The following NCR1 variants were observed in gnomAD, a reference collection of about 807,000 sequenced individuals.
The protein encoded by NCR1 is NK cell-activating receptor.
In NCR1, 30 loss-of-function variants were observed where a neutral mutation model predicts 32.5. That is an observed-to-expected ratio of 0.92 (90% CI 0.69 to 1.25). NCR1 has a LOEUF of 1.25. Among genes scored for constraint, NCR1 ranks in the 50% most tolerant of loss-of-function variants. The pLI is 0.00. For missense variants in NCR1, 369 were observed against 380.7 expected (o/e 0.97, Z 0.26); for synonymous variants, 169 against 143.4 (o/e 1.18, Z -1.28).
At chr19:54,917,749 G>T (rs1254193213), downstream of NCR1, among the ~76,000 whole-genome samples, 1 of 152,240 alleles carries the variant, frequency 6.6e-6, no homozygotes, top group East Asian at 1.9e-4. Flanking sequence ...GCATCTGGTA[G>T]GTAGGGTCCA....
At position 54,912,854 on chromosome 19, in the gene NCR1, A is replaced by T; in HGVS notation, c.898A>T (p.Asn300Tyr). The change falls in exon 7 of 7, where the codon AAC (asparagine) becomes TAC (tyrosine). Residue 300 changes from asparagine to tyrosine, a missense_variant. Asn to Tyr is a moderately radical substitution (Grantham distance 143, BLOSUM62 -2). Transcript: ENST00000291890. ...ASTWEGRRRL[N>Y]TQTL ...CACTTGGGAAGGCAGGAGAAGGCTGAACACACAGACTCTTTGAAGAATGAC... is the reference window on the plus strand; with the variant it reads ...CACTTGGGAAGGCAGGAGAAGGCTGTACACACAGACTCTTTGAAGAATGAC... The T allele has an allele frequency of 1.2e-6, 2 of 1,613,646 alleles. No homozygotes were observed. Among genetic ancestry groups the T allele is most frequent in the Non-Finnish European group, 1.7e-6 (2 of 1,179,918 alleles).
At chr19:54,923,762 G>A in the NCR1 span, 9 of 1,613,546 alleles carry the variant, frequency 5.6e-6, no homozygotes, top group South Asian at 4.4e-5. Flanking sequence ...GTCACAGCAC[G>A]GAGGTGCCGT....
upstream of NCR1, among the ~76,000 whole-genome samples, chr19:54,902,263 A>G (rs1336607147): frequency 6.6e-6 from 1 of 152,072 alleles, no homozygotes; most frequent in Non-Finnish European, 1.5e-5. Context: ...AATGTGGTAA[A>G]ATGCTAACTT....
At chr19:54,909,177 A>AC (rs2067806112) in intron 3 of NCR1, 68 bp from the exon 4 acceptor site, 2 of 1,469,580 alleles carry the variant, frequency 1.4e-6, no homozygotes, top group African/African-American at 2.9e-5. Context: ...CTCTAAAGAA[A>AC]GAAAAAAAAA....
chr19:54,917,533 T>C (rs114272367), downstream of NCR1, among the ~76,000 whole-genome samples: 2,906 of 151,946 alleles, frequency 0.019, 76 homozygotes, highest in African/African-American at 0.066. Context: ...GTTAGCCAGG[T>C]TGGTCTTGAA....
the NCR1 span, among the ~76,000 whole-genome samples, chr19:54,926,903 G>A: frequency 7.8e-6 from 1 of 128,088 alleles, no homozygotes; most frequent in Non-Finnish European, 1.6e-5. Context: ...GGGACAGAGA[G>A]AGACTCTGTC....
chr19:54,932,428 A>G, the NCR1 span, among the ~76,000 whole-genome samples: 1 of 145,036 alleles, frequency 6.9e-6, no homozygotes. Flanking sequence ...ACTTCATCCA[A>G]AAAAAAAAAA....
chr19:54,937,562 C>T, the NCR1 span, among the ~76,000 whole-genome samples: 462 of 150,746 alleles, frequency 3.1e-3, no homozygotes, highest in African/African-American at 0.011. Context: ...TGCACTCCAG[C>T]GCCTAGGTGA....
At chr19:54,904,485 G>A (rs2067428101), upstream of NCR1, among the ~76,000 whole-genome samples, 1 of 150,040 alleles carries the variant, frequency 6.7e-6, no homozygotes. Flanking sequence ...CCAATGTTTA[G>A]CGCTCTCACT....
chr19:54,930,167 C>G, the NCR1 span, among the ~76,000 whole-genome samples: 1 of 149,298 alleles, frequency 6.7e-6, no homozygotes, highest in African/African-American at 2.5e-5. Context: ...TCCAGATTTC[C>G]AAACACTTTA....
At chr19:54,906,003 C>T (rs2067583144), upstream of NCR1, 7 of 706,084 alleles carry the variant, frequency 9.9e-6, no homozygotes, top group Middle Eastern at 1.2e-3. Flanking sequence ...AGAGGGACCA[C>T]GGCCTTTCTG....
downstream of NCR1, chr19:54,913,212 C>T (rs2068061485): frequency 5.8e-6 from 1 of 173,418 alleles, no homozygotes; most frequent in Admixed American, 6.2e-5. Flanking sequence ...AGGCATGTGC[C>T]ACCACCCCAG....
the NCR1 span, chr19:54,930,400 C>T: frequency 1.7e-5 from 14 of 811,162 alleles, no homozygotes; most frequent in South Asian, 1.5e-4. Context: ...AGACCGAAGC[C>T]GCAGTGAGCC....
the NCR1 span, chr19:54,933,715 T>A: frequency 6.2e-7 from 1 of 1,614,162 alleles, no homozygotes; most frequent in Non-Finnish European, 8.5e-7. Context: ...TGCAACTGGC[T>A]TCTGTAAGAC....
the NCR1 span, chr19:54,938,006 C>T: frequency 6.6e-6 from 10 of 1,505,130 alleles, no homozygotes; most frequent in South Asian, 5.6e-5. Context: ...GCTTAGTCAT[C>T]GTTCAGGGTC....
upstream of NCR1, among the ~76,000 whole-genome samples, chr19:54,903,472 GGATACATGTATGTATATA>G (rs1291538309): frequency 1.5e-4 from 19 of 124,504 alleles, no homozygotes; most frequent in East Asian, 1.2e-3. Context: ...ATGTATACAC[GGATACATGTATGTATATA>G]CATATATGTA....
the NCR1 span, among the ~76,000 whole-genome samples, chr19:54,937,724 C>A: frequency 6.6e-6 from 1 of 151,862 alleles, no homozygotes; most frequent in Non-Finnish European, 1.5e-5. Context: ...ACGGTGAAAA[C>A]CTGTCTGTGC....
chr19:54,935,813 GA>G, the NCR1 span, among the ~76,000 whole-genome samples: 2 of 152,016 alleles, frequency 1.3e-5, no homozygotes, highest in Non-Finnish European at 2.9e-5. Context: ...CCCAAAGTGC[GA>G]GGATCATGCA....
chr19:54,921,346 C>T, the NCR1 span, among the ~76,000 whole-genome samples: 65 of 152,264 alleles, frequency 4.3e-4, no homozygotes, highest in East Asian at 0.012. Flanking sequence ...ACAGTGATCT[C>T]GAGCATTTGA....
Sources: allele counts gnomAD v4.1 joint callset (sites outside exome capture counted in the v4.1 genomes callset), GRCh38; gene constraint gnomAD v4.1.1; transcripts MANE v1.5; gene names NCBI Gene and HGNC (gene_info 2026-07-23, HGNC 2026-07-21).